The following CSMD3 variants were observed in gnomAD, a reference collection of about 807,000 sequenced individuals.
CSMD3 encodes CUB and sushi domain-containing protein 3.
In CSMD3, 177 loss-of-function variants were observed where a neutral mutation model predicts 435.2. That is an observed-to-expected ratio of 0.41 (90% CI 0.36 to 0.46). CSMD3 has a LOEUF of 0.46. CSMD3 is among the 20% of genes least tolerant of loss of function. The probability of loss-of-function intolerance (pLI) is 0.34; values close to 1 mark genes in which losing one functional copy is unlikely to be tolerated. For missense variants in CSMD3, 4,265 were observed against 4,504.6 expected (o/e 0.95, Z 1.52); for synonymous variants, 1,656 against 1,520.5 (o/e 1.09, Z -2.07).
rs529833859 is a variant in CSMD3 at position 112,330,300 on chromosome 8, C to G, written c.7165+5029G>C. Reference sequence around the variant, plus strand: ...TTACAATAATGAGTCATTATGTAATCAACTCATTCTTCAATAGAAAATGTG... The same window carrying G: ...TTACAATAATGAGTCATTATGTAATGAACTCATTCTTCAATAGAAAATGTG... On this transcript the variant is annotated intron_variant, in intron 45 of 70. Transcript: ENST00000297405. 2.0e-5 allele frequency among the ~76,000 whole-genome samples: 3 copies of G among 152,100 alleles called. No individual in the cohort carries two copies. The East Asian group carries it at 5.8e-4, about 29-fold the overall frequency.
chr8:112,404,418 T>A (rs1485398683), intron 35 of CSMD3, among the ~76,000 whole-genome samples: 1 of 151,610 alleles, frequency 6.6e-6, no homozygotes, highest in African/African-American at 2.4e-5. Context: ...TAATCCCAGA[T>A]ACTTGGGAGG....
chr8:113,110,147 A>T (rs1280702266), intron 4 of CSMD3, among the ~76,000 whole-genome samples: 1 of 152,122 alleles, frequency 6.6e-6, no homozygotes, highest in Non-Finnish European at 1.5e-5. Context: ...CACCAGGCTG[A>T]TCCATATTAA....
chr8:112,348,403 T>C (rs1825855984), intron 40 of CSMD3, among the ~76,000 whole-genome samples: 1 of 152,194 alleles, frequency 6.6e-6, no homozygotes, highest in Admixed American at 6.5e-5. Flanking sequence ...TCTGGCAGAT[T>C]GCTTATTTTC....
chr8:113,374,385 A>T (rs552768114), intron 1 of CSMD3, among the ~76,000 whole-genome samples: 1 of 152,090 alleles, frequency 6.6e-6, no homozygotes, highest in Admixed American at 6.5e-5. Flanking sequence ...ACAAGTTTGA[A>T]TTCTTATTCA....
chr8:112,449,517 C>T (rs1466404681), intron 32 of CSMD3, among the ~76,000 whole-genome samples: 4 of 152,116 alleles, frequency 2.6e-5, no homozygotes, highest in African/African-American at 9.7e-5. Context: ...GCGCCGAGTG[C>T]TATGGTTTTA....
chr8:113,300,266 C>T (rs1019891463), intron 2 of CSMD3, among the ~76,000 whole-genome samples: 1 of 151,808 alleles, frequency 6.6e-6, no homozygotes, highest in African/African-American at 2.4e-5. Flanking sequence ...TGGAAAACCA[C>T]GTGGAGATTT....
chr8:112,846,540 C>T (rs899475846), intron 11 of CSMD3, among the ~76,000 whole-genome samples: 4 of 151,712 alleles, frequency 2.6e-5, no homozygotes, highest in Non-Finnish European at 5.9e-5. Flanking sequence ...GTAACTGGGA[C>T]TAAAGACATG....
intron 9 of CSMD3, among the ~76,000 whole-genome samples, chr8:112,940,509 T>C (rs1193904198): frequency 6.6e-6 from 1 of 151,856 alleles, no homozygotes; most frequent in Non-Finnish European, 1.5e-5. Flanking sequence ...GTTATAATTT[T>C]AAGGGCATTT....
chr8:112,491,523 AC>A (rs1295426463), intron 31 of CSMD3, among the ~76,000 whole-genome samples: 1 of 151,920 alleles, frequency 6.6e-6, no homozygotes, highest in Non-Finnish European at 1.5e-5. Flanking sequence ...GGTGGTGTGC[AC>A]CTGTAATCCC....
At chr8:112,351,940 T>C (rs1239673159) in intron 39 of CSMD3, among the ~76,000 whole-genome samples, 1 of 151,992 alleles carries the variant, frequency 6.6e-6, no homozygotes, top group Non-Finnish European at 1.5e-5. Context: ...AATCAGAATA[T>C]ACATTGCAAA....
intron 5 of CSMD3, among the ~76,000 whole-genome samples, chr8:113,074,518 G>C (rs1163013229): frequency 6.6e-6 from 1 of 151,776 alleles, no homozygotes; most frequent in Admixed American, 6.6e-5. Flanking sequence ...TAGGAAATTA[G>C]AATGTAAATT....
At chr8:113,120,934 G>A (rs183663137) in intron 4 of CSMD3, among the ~76,000 whole-genome samples, 4 of 152,018 alleles carry the variant, frequency 2.6e-5, no homozygotes, top group Non-Finnish European at 4.4e-5. Flanking sequence ...ACATTTACAC[G>A]CAGGGCCTCA....
chr8:112,397,899 A>T (rs1830985867), intron 35 of CSMD3, among the ~76,000 whole-genome samples: 1 of 152,214 alleles, frequency 6.6e-6, no homozygotes, highest in Non-Finnish European at 1.5e-5. Context: ...AATTTGTTCC[A>T]GCATCAACCA....
At chr8:112,658,581 C>T (rs572706575) in intron 17 of CSMD3, among the ~76,000 whole-genome samples, 1 of 152,052 alleles carries the variant, frequency 6.6e-6, no homozygotes, top group African/African-American at 2.4e-5. Context: ...GTATGTGTTT[C>T]ATAAATGTTT....
intron 13 of CSMD3, among the ~76,000 whole-genome samples, chr8:112,798,104 C>A (rs2078871562): frequency 6.6e-6 from 1 of 151,758 alleles, no homozygotes; most frequent in Non-Finnish European, 1.5e-5. Flanking sequence ...ATGGGTAGAG[C>A]TAACGAAGTC....
chr8:113,123,521 T>C (rs1201727193), intron 4 of CSMD3, among the ~76,000 whole-genome samples: 1 of 152,044 alleles, frequency 6.6e-6, no homozygotes, highest in East Asian at 1.9e-4. Flanking sequence ...TCACATGCAT[T>C]CTTATTAGTA....
chr8:113,354,442 T>A (rs918751696), intron 1 of CSMD3, among the ~76,000 whole-genome samples: 14 of 152,150 alleles, frequency 9.2e-5, no homozygotes, highest in African/African-American at 3.4e-4. Flanking sequence ...ATCATAAAAT[T>A]ATTTTCCTGA....
intron 5 of CSMD3, among the ~76,000 whole-genome samples, chr8:113,039,654 T>C (rs892390992): frequency 5.8e-4 from 88 of 152,114 alleles, no homozygotes; most frequent in East Asian, 2.3e-3. Flanking sequence ...CACATACGGA[T>C]TGTGAGAGTA....
intron 13 of CSMD3, among the ~76,000 whole-genome samples, chr8:112,780,683 C>T (rs2078361430): frequency 6.6e-6 from 1 of 152,010 alleles, no homozygotes; most frequent in African/African-American, 2.4e-5. Context: ...AATTGCGTGA[C>T]TTTGCATAGG....
Sources: allele counts gnomAD v4.1 joint callset (sites outside exome capture counted in the v4.1 genomes callset), GRCh38; gene constraint gnomAD v4.1.1; transcripts MANE v1.5; gene names NCBI Gene and HGNC (gene_info 2026-07-23, HGNC 2026-07-21).